Variants in BSG observed in about 807,000 individuals in gnomAD.
BSG encodes basigin.
Under a neutral mutation model 43.1 loss-of-function variants are expected in BSG, and 37 were observed. The ratio of observed to expected loss-of-function variants is 0.86; its 90% confidence interval spans 0.66 to 1.13. The LOEUF (loss-of-function observed/expected upper bound fraction) is 1.13, where lower values mean the gene tolerates loss of function less well. BSG is among the 50% of genes most tolerant of loss of function. The probability of loss-of-function intolerance (pLI) is 0.00; values close to 1 mark genes in which losing one functional copy is unlikely to be tolerated. For synonymous variants in BSG, 309 were observed against 238.7 expected, an observed-to-expected ratio of 1.29 and a Z score of -2.72; for missense variants, 599 against 554.2, an observed-to-expected ratio of 1.08 and a Z score of -0.81.
intron 1 of BSG, among the ~76,000 whole-genome samples, chr19:577,157 G>T (rs28473389): frequency 0.057 from 8,725 of 152,190 alleles, 399 homozygotes; most frequent in Admixed American, 0.13. Flanking sequence ...AGCTCTGGGG[G>T]CCTTCCCTTG....
intron 6 of BSG, 152 bp from the exon 7 acceptor site, chr19:582,154 G>C: frequency 2.2e-6 from 2 of 906,344 alleles, no homozygotes; most frequent in South Asian, 1.6e-5. Flanking sequence ...GAAGATGCAC[G>C]TGGCCGGGGC....
At chr19:579,712 G>C in intron 3 of BSG, 56 bp downstream of exon 3, 3 of 1,555,240 alleles carry the variant, frequency 1.9e-6, no homozygotes, top group Non-Finnish European at 2.6e-6. Context: ...CTCTCTTGCC[G>C]CCAGCGGCCT....
At position 579,478 on chromosome 19, in the gene BSG, C is replaced by T. The variant is rs372331028; in HGVS notation, c.416-22C>T. ...GGCCGTGCTCCTCCACTCTGCTGAC[C>T]GCGTCTCGCCGGGCCTTGCAGCCGG... On this transcript the variant is annotated intron_variant, in intron 2 of 8. Transcript: ENST00000333511. 529 of 1,611,668 alleles carry T rather than the reference C, an allele frequency of 3.3e-4. 1 individual carries two copies. The highest frequency in any genetic ancestry group is 3.9e-4 in the Non-Finnish European group (464 of 1,179,812).
chr19:571,327 C>T, upstream of BSG: 1 of 592,376 alleles, frequency 1.7e-6, no homozygotes, highest in Non-Finnish European at 3.0e-6. Flanking sequence ...CCTTCGCGTT[C>T]GGCTTAGTCT....
chr19:572,276 C>G (rs1288812180), upstream of BSG: 2 of 568,362 alleles, frequency 3.5e-6, no homozygotes, highest in African/African-American at 2.0e-5. Context: ...AACACACTTT[C>G]AACGCTTCAA....
chr19:578,847 C>T (rs1157791233), intron 2 of BSG: 2 of 361,036 alleles, frequency 5.5e-6, no homozygotes, highest in Non-Finnish European at 1.1e-5. Flanking sequence ...TCTTCTGCCT[C>T]AGCCTCCTGA....
chr19:579,701 GCT>G, intron 3 of BSG, 45 bp downstream of exon 3: 10 of 1,565,850 alleles, frequency 6.4e-6, no homozygotes, highest in Non-Finnish European at 8.6e-6. Flanking sequence ...CCTTCTCACG[GCT>G]CTCTTGCCGC....
At chr19:574,123 C>T (rs1416647487) in intron 1 of BSG, among the ~76,000 whole-genome samples, 2 of 151,954 alleles carry the variant, frequency 1.3e-5, no homozygotes, top group East Asian at 1.9e-4. Context: ...GGCGTGTTGG[C>T]GCACGCCTGT....
intron 3 of BSG, 55 bp downstream of exon 3, chr19:579,711 C>T (rs769970655): frequency 2.4e-5 from 38 of 1,555,564 alleles, no homozygotes; most frequent in Non-Finnish European, 2.7e-5. Flanking sequence ...GCTCTCTTGC[C>T]GCCAGCGGCC....
intron 6 of BSG, among the ~76,000 whole-genome samples, 161 bp downstream of exon 6, chr19:581,752 T>A (rs1982344874): frequency 6.6e-6 from 1 of 152,050 alleles, no homozygotes; most frequent in Non-Finnish European, 1.5e-5. Flanking sequence ...GGATGGAGGG[T>A]CTAGCCCCGG....
upstream of BSG, chr19:571,889 G>T (rs28915398): frequency 3.4e-5 from 15 of 440,070 alleles, no homozygotes; most frequent in Non-Finnish European, 5.0e-5. Context: ...GAAAGAAGAA[G>T]GGGGTAAGGT....
chr19:581,101 C>T (rs1308084896), intron 5 of BSG, among the ~76,000 whole-genome samples: 1 of 79,312 alleles, frequency 1.3e-5, no homozygotes, highest in Admixed American at 1.1e-4. Flanking sequence ...CTGGGGGTCC[C>T]GGACCCAGCC....
chr19:571,827 T>C (rs1365243320), upstream of BSG: 6 of 548,352 alleles, frequency 1.1e-5, no homozygotes, highest in Non-Finnish European at 1.6e-5. Flanking sequence ...CTGATCCCGG[T>C]TGGCTAAAAC....
rs1479111681 is a variant in BSG at position 578,052 on chromosome 19, C to T, written c.346C>T (p.Arg116Cys). 6 of 1,610,816 alleles carry T rather than the reference C, an allele frequency of 3.7e-6. No individual in the cohort carries two copies. Among genetic ancestry groups the T allele is most frequent in the Middle Eastern group, 1.6e-4 (1 of 6,078 alleles). The change falls in exon 2 of 9, where the codon CGC (arginine) becomes TGC (cysteine). Residue 116 changes from arginine (R) to cysteine (C), a missense_variant. Coordinates refer to ENST00000333511, the MANE Select transcript of BSG (RefSeq NM_001728.4). ...GTGCCGGGCCAGCAACGACCCGGAT[C>T]GCAACCACCTGACCCGGGCGCCCAG... The part of the protein sequence containing the change: ...YECRASNDPD[R>C]NHLTRAPRVK...
At chr19:575,396 CA>C (rs1019041980) in intron 1 of BSG, 2 of 152,132 alleles carry the variant, frequency 1.3e-5, no homozygotes, top group Non-Finnish European at 2.9e-5. Flanking sequence ...GGTGAGTGCC[CA>C]AGGTTGGCCG....
intron 1 of BSG, 75 bp from the exon 2 acceptor site, chr19:577,699 G>A: frequency 8.1e-7 from 1 of 1,238,846 alleles, no homozygotes; most frequent in Non-Finnish European, 1.0e-6. Context: ...AGTCCTGTGG[G>A]CGAGGCCTTC....
Position 581,307 on chromosome 19 carries a change from T to A in BSG, c.793-8T>A. The A allele has an allele frequency of 6.2e-7, 1 of 1,606,624 alleles. No individual in the cohort carries two copies. Among genetic ancestry groups the A allele is most frequent in the Non-Finnish European group, 8.5e-7 (1 of 1,175,616 alleles). On this transcript the variant is annotated splice_polypyrimidine_tract_variant and splice_region_variant and intron_variant, in intron 5 of 8. Coordinates refer to ENST00000333511, the MANE Select transcript of BSG (RefSeq NM_001728.4). ...TCCTGGACTCAGCCCTTGCCTTTGG[T>A]CCCCTAGGCCCTCATGAACGGCTCC...
chr19:572,604 G>GAGGTTGT lies in BSG; in HGVS notation c.-27_-21dup. 1 of 1,474,714 alleles carries GAGGTTGT rather than the reference G, an allele frequency of 6.8e-7. No individual in the cohort carries two copies. The highest frequency in any genetic ancestry group is 9.0e-7 in the Non-Finnish European group (1 of 1,107,520). 91.4% of individuals were successfully genotyped at this position (1,474,714 alleles called of 1,614,324 possible). ...CCGCGGGCGGCGGCGGCAGCGGTTGGAGGTTGTAGGACCGGCGAGGAATAG... is the reference window on the plus strand; with the variant it reads ...CCGCGGGCGGCGGCGGCAGCGGTTGGAGGTTGTAGGTTGTAGGACCGGCGAGGAATAG... On this transcript the variant is annotated 5_prime_UTR_variant, in exon 1 of 9. Coordinates refer to ENST00000333511, the MANE Select transcript of BSG (RefSeq NM_001728.4).
chr19:572,795 C>T, intron 1 of BSG, 94 bp downstream of exon 1: 7 of 1,266,202 alleles, frequency 5.5e-6, no homozygotes, highest in South Asian at 2.5e-5. Flanking sequence ...CCTGGGGCCT[C>T]GGCGCGGGGC....
Sources: gnomAD v4.1 joint callset for allele counts (sites outside exome capture counted in the v4.1 genomes callset) on GRCh38, gnomAD v4.1.1 for gene constraint, MANE v1.5 for transcripts, NCBI Gene and HGNC (gene_info 2026-07-23, HGNC 2026-07-21) for gene names.